Variants in COMMD7 observed in about 807,000 individuals in gnomAD.
The protein encoded by COMMD7 is COMM domain-containing protein 7.
Under a neutral mutation model 34.8 loss-of-function variants are expected in COMMD7, and 28 were observed. The observed-to-expected ratio is 0.80, with a 90% CI of 0.60 to 1.10. The LOEUF is 1.10. Ranked by LOEUF, COMMD7 falls within the 50% of genes least tolerant of loss-of-function variation. The pLI, the probability that COMMD7 is intolerant of heterozygous loss-of-function variation, is 0.00. For synonymous variants in COMMD7, 80 were observed against 86.4 expected, an observed-to-expected ratio of 0.93 and a Z score of 0.41; for missense variants, 211 against 241.6, an observed-to-expected ratio of 0.87 and a Z score of 0.84.
chr20:32,706,598 A>AGTG lies in COMMD7; in HGVS notation c.318_320dup (p.Thr107dup), dbSNP rs1568771831. On this transcript the variant is annotated inframe_insertion, in exon 5 of 9. Transcript: ENST00000278980. ...GGAATTATACCTTTTCAGAAAAGTAAGTGGCTTTCTCCTCACTAAGACCTA... is the reference window on the plus strand; with the variant it reads ...GGAATTATACCTTTTCAGAAAAGTAAGTGGTGGCTTTCTCCTCACTAAGACCTA... 3.7e-6 allele frequency: 6 copies of AGTG among 1,609,390 alleles called. No individual in the cohort carries two copies. Among genetic ancestry groups the AGTG allele is most frequent in the Non-Finnish European group, 5.1e-6 (6 of 1,175,734 alleles).
At chr20:32,708,361 C>T (rs912347504) in intron 3 of COMMD7, among the ~76,000 whole-genome samples, 2 of 152,094 alleles carry the variant, frequency 1.3e-5, no homozygotes, top group African/African-American at 2.4e-5. Flanking sequence ...AAGTCCCCAC[C>T]CCCAACTCAC....
chr20:32,728,255 ATGC>A, intron 1 of COMMD7, 113 bp from the exon 2 acceptor site: 3 of 917,794 alleles, frequency 3.3e-6, no homozygotes, highest in South Asian at 1.4e-5. Flanking sequence ...GCCAGGTGTT[ATGC>A]CTGTTCTGAT....
intron 3 of COMMD7, among the ~76,000 whole-genome samples, chr20:32,714,720 C>T (rs564157942): frequency 1.3e-5 from 2 of 151,850 alleles, no homozygotes; most frequent in East Asian, 1.9e-4. Context: ...GCTACTCAGG[C>T]GGCTAAGGTA....
At chr20:32,706,363 A>G (rs1984079420) in intron 5 of COMMD7, among the ~76,000 whole-genome samples, 1 of 151,938 alleles carries the variant, frequency 6.6e-6, no homozygotes, top group South Asian at 2.1e-4. Flanking sequence ...AATACAAAAA[A>G]TTAGCTGGGC....
chr20:32,741,364 T>G (rs1388093341), intron 1 of COMMD7, among the ~76,000 whole-genome samples: 1 of 150,790 alleles, frequency 6.6e-6, no homozygotes, highest in African/African-American at 2.4e-5. Context: ...ACTACTGTGG[T>G]AGCTGTGCCA....
chr20:32,727,917 T>C lies in COMMD7; in HGVS notation c.217A>G (p.Lys73Glu). Reference protein sequence around the residue: ...ISLGSLRSIVKSLLLVPNGAL... With the variant: ...ISLGSLRSIVESLLLVPNGAL... ...CCATTTGGAACCAGAAGGAGGCTTT[T>C]CACGATGCTTCTGAGGGAGCCAAGA... The change falls in exon 3 of 9, where the codon AAA (lysine) becomes GAA (glutamate). Residue 73 changes from lysine to glutamate, a missense_variant. Physicochemically the swap from Lys to Glu is moderately conservative, Grantham distance 56 (BLOSUM62 1). Transcript: ENST00000278980. 6.2e-7 allele frequency: 1 copy of C among 1,614,020 alleles called. No individual in the cohort carries two copies. The highest frequency in any genetic ancestry group is 8.5e-7 in the Non-Finnish European group (1 of 1,179,926).
chr20:32,742,043 C>T (rs912213002), intron 1 of COMMD7, among the ~76,000 whole-genome samples: 1 of 152,104 alleles, frequency 6.6e-6, no homozygotes, highest in Admixed American at 6.6e-5. Flanking sequence ...CAAAAATTAG[C>T]TGGGCATGGT....
intron 3 of COMMD7, among the ~76,000 whole-genome samples, chr20:32,724,258 G>A (rs79685640): frequency 3.9e-5 from 1 of 25,556 alleles, no homozygotes; most frequent in African/African-American, 1.4e-4. Flanking sequence ...CGCCCCGTCC[G>A]GGAGGGAGGT....
At chr20:32,728,459 C>G (rs1166819832) in intron 1 of COMMD7, among the ~76,000 whole-genome samples, 2 of 152,022 alleles carry the variant, frequency 1.3e-5, no homozygotes, top group Non-Finnish European at 2.9e-5. Flanking sequence ...CACACACACA[C>G]ACACACACAC....
At chr20:32,743,181 C>T (rs1254791003) in intron 1 of COMMD7, 127 bp downstream of exon 1, 3 of 760,264 alleles carry the variant, frequency 3.9e-6, no homozygotes, top group African/African-American at 1.9e-5. Flanking sequence ...ACACCCCAAA[C>T]GCCCACAAGA....
intron 3 of COMMD7, among the ~76,000 whole-genome samples, chr20:32,714,064 G>A (rs983043867): frequency 3.9e-5 from 6 of 152,150 alleles, no homozygotes; most frequent in African/African-American, 1.2e-4. Context: ...AGTGAGCCGA[G>A]ATCGTGCCAC....
intron 5 of COMMD7, among the ~76,000 whole-genome samples, chr20:32,705,358 G>GTATATATATATATATATATATATATA (rs559340881): frequency 7.2e-6 from 1 of 138,586 alleles, no homozygotes; most frequent in African/African-American, 2.8e-5. Flanking sequence ...ATGTGTGTGT[G>GTATATATATATATATATATATATATA]TATATATATA....
chr20:32,737,674 T>A (rs1986215709), intron 1 of COMMD7, among the ~76,000 whole-genome samples: 1 of 150,056 alleles, frequency 6.7e-6, no homozygotes, highest in Admixed American at 6.7e-5. Flanking sequence ...ATAAAAAAAA[T>A]TAAAAAATAA....
At chr20:32,735,219 C>T (rs1244921909) in intron 1 of COMMD7, among the ~76,000 whole-genome samples, 2 of 135,488 alleles carry the variant, frequency 1.5e-5, no homozygotes, top group Non-Finnish European at 3.2e-5. Context: ...GCCTGGGCAA[C>T]AGCGCGAGAC....
At chr20:32,717,709 C>A (rs145123778) in intron 3 of COMMD7, among the ~76,000 whole-genome samples, 276 of 152,016 alleles carry the variant, frequency 1.8e-3, no homozygotes, top group African/African-American at 6.1e-3. Flanking sequence ...AGATTCTCCC[C>A]CTTTGACTTC....
rs752698328 is a variant in COMMD7 at position 32,703,352 on chromosome 20, A to T, written c.*30T>A. ...CCCAGGGAAGGGAGGAGGGCAGGGAACGGGGCCAGGGGAGATGCAGGGACA... is the reference window on the plus strand; with the variant it reads ...CCCAGGGAAGGGAGGAGGGCAGGGATCGGGGCCAGGGGAGATGCAGGGACA... On this transcript the variant is annotated 3_prime_UTR_variant, in exon 9 of 9. Coordinates refer to ENST00000278980, the MANE Select transcript of COMMD7 (RefSeq NM_053041.3). The T allele has an allele frequency of 6.3e-7, 1 of 1,595,350 alleles. No individual in the cohort carries two copies. The highest frequency in any genetic ancestry group is 1.1e-5 in the South Asian group (1 of 89,786).
At chr20:32,737,100 T>C (rs909884405) in intron 1 of COMMD7, among the ~76,000 whole-genome samples, 1 of 151,770 alleles carries the variant, frequency 6.6e-6, no homozygotes, top group African/African-American at 2.4e-5. Context: ...GAGAATGGTG[T>C]GAACCCAGGA....
chr20:32,732,792 C>T (rs1011654348), intron 1 of COMMD7, among the ~76,000 whole-genome samples: 4 of 151,430 alleles, frequency 2.6e-5, no homozygotes, highest in Admixed American at 6.6e-5. Context: ...AAAAATTAGC[C>T]GGTCTTGGAA....
chr20:32,727,823 A>G (rs555866806), intron 3 of COMMD7, 70 bp downstream of exon 3: 26 of 1,284,266 alleles, frequency 2.0e-5, no homozygotes, highest in Admixed American at 3.4e-5. Flanking sequence ...GCATGCTTCA[A>G]TGACTCCATG....
Sources: allele counts gnomAD v4.1 joint callset (sites outside exome capture counted in the v4.1 genomes callset), GRCh38; gene constraint gnomAD v4.1.1; transcripts MANE v1.5; gene names NCBI Gene and HGNC (gene_info 2026-07-23, HGNC 2026-07-21).